LSM5: variants seen among roughly 807,000 people sequenced by gnomAD.
LSM5 encodes LSM5 homolog, U6 small nuclear RNA and mRNA degradation associated.
LSM5 carries 8 observed loss-of-function variants against 13.8 expected under a neutral mutation model. That is an observed-to-expected ratio of 0.58 (90% CI 0.34 to 1.04). The LOEUF is 1.04. Among genes scored for constraint, LSM5 ranks in the 50% least tolerant of loss-of-function variants. The pLI is 0.03. For synonymous variants in LSM5, 35 were observed against 37.0 expected, an observed-to-expected ratio of 0.95 and a Z score of 0.20; for missense variants, 80 against 108.1, an observed-to-expected ratio of 0.74 and a Z score of 1.15.
upstream of LSM5, among the ~76,000 whole-genome samples, chr7:32,492,650 A>G (rs144154297): frequency 2.4e-3 from 365 of 152,340 alleles, no homozygotes; most frequent in African/African-American, 8.1e-3. Flanking sequence ...AGTAGAGTTA[A>G]TGGGGATTTC....
upstream of LSM5, among the ~76,000 whole-genome samples, chr7:32,492,835 T>G (rs529105128): frequency 6.6e-6 from 1 of 152,366 alleles, no homozygotes; most frequent in African/African-American, 2.4e-5. Flanking sequence ...TTATAATTTA[T>G]CATAAAATAC....
At chr7:32,488,897 G>GT (rs1264792591) in intron 2 of LSM5, among the ~76,000 whole-genome samples, 3 of 152,066 alleles carry the variant, frequency 2.0e-5, no homozygotes, top group Non-Finnish European at 4.4e-5. Flanking sequence ...GCTAATTTTT[G>GT]TAATTTTTGT....
At chr7:32,493,434 A>C (rs896338418), upstream of LSM5, among the ~76,000 whole-genome samples, 8 of 151,082 alleles carry the variant, frequency 5.3e-5, no homozygotes, top group Non-Finnish European at 8.9e-5. Flanking sequence ...CTAAATTCTT[A>C]AGTGGTCCAG....
At chr7:32,490,140 C>T (rs1440711397) in intron 1 of LSM5, 180 bp downstream of exon 1, 3 of 1,540,322 alleles carry the variant, frequency 1.9e-6, no homozygotes, top group African/African-American at 1.4e-5. Flanking sequence ...CCTGGAGGAG[C>T]CCGACCACGT....
intron 4 of LSM5, 31 bp from the exon 5 acceptor site, chr7:32,487,324 AAC>A: frequency 6.2e-7 from 1 of 1,600,748 alleles, no homozygotes. Context: ...GTTTATTAAT[AAC>A]ACTACCACCA....
chr7:32,491,628 A>G (rs893843989), upstream of LSM5, among the ~76,000 whole-genome samples: 1 of 152,232 alleles, frequency 6.6e-6, no homozygotes, highest in African/African-American at 2.4e-5. Flanking sequence ...AAGTTATTTT[A>G]ACTTTTTAAG....
chr7:32,495,263 G>T, upstream of LSM5: 1 of 156,806 alleles, frequency 6.4e-6, no homozygotes, highest in Non-Finnish European at 1.4e-5. Flanking sequence ...GGCTCTGCAA[G>T]CCCAGCCGCC....
chr7:32,489,184 T>G (rs41276006), intron 2 of LSM5, 65 bp downstream of exon 2: 152,528 of 764,540 alleles, frequency 0.2, 16,241 homozygotes, highest in Admixed American at 0.36. Flanking sequence ...ATATACTGAT[T>G]GTCTATAGTT....
chr7:32,492,306 C>G (rs185795282), upstream of LSM5, among the ~76,000 whole-genome samples: 1 of 152,114 alleles, frequency 6.6e-6, no homozygotes, highest in Non-Finnish European at 1.5e-5. Flanking sequence ...GGGCGGATCA[C>G]GAGGTCAAGA....
Position 32,486,969 on chromosome 7 carries a change from G to T in LSM5, c.*292C>A. Reference sequence around the variant, plus strand: ...CAAATAAGCATATAATGACAGAAAAGTAAGTGGCAAAATAACTACAAACTT... The same window carrying T: ...CAAATAAGCATATAATGACAGAAAATTAAGTGGCAAAATAACTACAAACTT... On this transcript the variant is annotated 3_prime_UTR_variant, in exon 5 of 5. Coordinates refer to ENST00000450169, the MANE Select transcript of LSM5 (RefSeq NM_012322.3). 4.9e-6 allele frequency: 2 copies of T among 409,784 alleles called. No homozygotes were observed. Among genetic ancestry groups the T allele is most frequent in the Non-Finnish European group, 8.6e-6 (2 of 231,314 alleles). 25.4% of individuals were successfully genotyped at this position (409,784 alleles called of 1,614,324 possible).
At chr7:32,487,656 C>A in intron 4 of LSM5, 29 bp downstream of exon 4, 1 of 1,245,486 alleles carries the variant, frequency 8.0e-7, no homozygotes, top group Non-Finnish European at 1.2e-6. Context: ...GGGCTCCCAT[C>A]AAAATAAAAC....
At chr7:32,491,385 G>A (rs7784330), upstream of LSM5, among the ~76,000 whole-genome samples, 74,937 of 128,624 alleles carry the variant, frequency 0.58, 20,974 homozygotes, top group East Asian at 0.71. Flanking sequence ...CAACAAGAGC[G>A]AAACTCCATC....
In LSM5 at chr7:32,486,866, A is replaced by C; in HGVS notation, c.*395T>G. ...TGATCATTTCCGGTTGTTTAAATGC[A>C]CCTGTTCAAATCAAAGTTCATCATT... On this transcript the variant is annotated 3_prime_UTR_variant, in exon 5 of 5. Transcript: ENST00000450169. The C allele has an allele frequency of 4.7e-6, 1 of 214,098 alleles. No homozygotes were observed. Among genetic ancestry groups the C allele is most frequent in the South Asian group, 7.5e-5 (1 of 13,324 alleles). 13.3% of individuals were successfully genotyped at this position (214,098 alleles called of 1,614,324 possible). A position where few individuals can be genotyped will look rare whatever the true frequency, so the allele number is the denominator to read the frequency against.
chr7:32,487,516 C>T (rs1193689440), intron 4 of LSM5, 169 bp downstream of exon 4: 2 of 670,154 alleles, frequency 3.0e-6, no homozygotes, highest in African/African-American at 3.7e-5. Context: ...CCCAATGCCT[C>T]TTCAATAGCT....
chr7:32,490,372 G>C lies in LSM5; in HGVS notation c.-7C>G, dbSNP rs1306552098. On this transcript the variant is annotated 5_prime_UTR_variant, in exon 1 of 5. Transcript: ENST00000450169. Reference sequence around the variant, plus strand: ...TAGTAGCGTTAGCCGCCATGGCTACGCCGGAAGTGGCCTGCCTTCATTGAT... The same window carrying C: ...TAGTAGCGTTAGCCGCCATGGCTACCCCGGAAGTGGCCTGCCTTCATTGAT... 1.9e-6 allele frequency: 3 copies of C among 1,609,080 alleles called. No individual in the cohort carries two copies. Among genetic ancestry groups the C allele is most frequent in the Non-Finnish European group, 2.6e-6 (3 of 1,175,360 alleles).
rs1402965961 is a variant in LSM5, at chr7:32,485,942, C to A, written c.*1319G>T. The A allele has an allele frequency of 8.7e-6, 1 of 114,540 alleles. No individual in the cohort carries two copies. The highest frequency in any genetic ancestry group is 3.0e-4 in the South Asian group (1 of 3,308). The allele number at this position is 114,540 out of a possible 1,614,324, so 7.1% of individuals were successfully genotyped here. On this transcript the variant is annotated 3_prime_UTR_variant, in exon 5 of 5. Coordinates refer to ENST00000450169, the MANE Select transcript of LSM5 (RefSeq NM_012322.3). ...GCCACTGCATTCCAGTGAGACTCTC[C>A]AAAAAAAAAAAAAAAAAAAAAAAAA...
upstream of LSM5, chr7:32,490,601 T>C: frequency 1.8e-6 from 1 of 565,092 alleles, no homozygotes. Context: ...CCTTGAAGTT[T>C]TGGAGAGACG....
At position 32,490,063 on chromosome 7, in the gene LSM5, C is replaced by T. The variant is rs116288560; in HGVS notation, c.46+257G>A. On this transcript the variant is annotated intron_variant, in intron 1 of 4. Coordinates refer to ENST00000450169, the MANE Select transcript of LSM5 (RefSeq NM_012322.3). ...GAGGCGGGCTCACAACAAAGTAGGC[C>T]GACGACGCGTTCACTAAATGTGGAC... 5.9e-4 allele frequency: 856 copies of T among 1,458,402 alleles called. 4 individuals carry two copies. The African/African-American group carries it at 0.011, about 19-fold the overall frequency. 90.3% of individuals were successfully genotyped at this position (1,458,402 alleles called of 1,614,324 possible). A position where few individuals can be genotyped will look rare whatever the true frequency, so the allele number is the denominator to read the frequency against.
chr7:32,489,610 T>C (rs907173112), intron 1 of LSM5: 9 of 389,956 alleles, frequency 2.3e-5, no homozygotes, highest in African/African-American at 1.3e-4. Context: ...ACTACAAAAA[T>C]ATAAGAGGAG....
Sources: allele counts gnomAD v4.1 joint callset (sites outside exome capture counted in the v4.1 genomes callset), GRCh38; gene constraint gnomAD v4.1.1; transcripts MANE v1.5; gene names NCBI Gene and HGNC (gene_info 2026-07-23, HGNC 2026-07-21).